VWA3A: variants seen among roughly 807,000 people sequenced by gnomAD.
VWA3A encodes von Willebrand factor A domain containing 3A.
In VWA3A, 134 loss-of-function variants were observed where a neutral mutation model predicts 160.4. That is an observed-to-expected ratio of 0.84 (90% CI 0.73 to 0.96). The LOEUF is 0.96. Ranked by LOEUF, VWA3A falls within the 40% of genes least tolerant of loss-of-function variation. The probability of loss-of-function intolerance (pLI) is 0.00; values close to 1 mark genes in which losing one functional copy is unlikely to be tolerated. For synonymous variants in VWA3A, 476 were observed against 543.4 expected (o/e 0.88, Z 1.72); for missense variants, 1,310 against 1,447.9 (o/e 0.90, Z 1.55).
intron 21 of VWA3A, among the ~76,000 whole-genome samples, chr16:22,137,834 A>G (rs1250730034): frequency 1.3e-5 from 2 of 152,178 alleles, no homozygotes; most frequent in Non-Finnish European, 2.9e-5. Context: ...AAACATCTTA[A>G]GCAATTCTTA....
In VWA3A at chr16:22,120,533, G is replaced by T. The variant is rs1470955583; in HGVS notation, c.1117-435G>T. On this transcript the variant is annotated intron_variant, in intron 12 of 33. Coordinates refer to ENST00000389398, the MANE Select transcript of VWA3A (RefSeq NM_173615.5). The stretch of plus-strand genomic sequence containing the variant: ...GCAGTGCTCAAATCTCTGAAGTTTG[G>T]GACTTGCTGTTCTATTTTTACTTAC... Among the ~76,000 whole-genome samples, 3 of 152,070 alleles carry T rather than the reference G, an allele frequency of 2.0e-5. No homozygotes were observed. The East Asian group carries it at 5.8e-4, about 29-fold the overall frequency.
intron 25 of VWA3A, 97 bp from the exon 26 acceptor site, chr16:22,144,150 T>C (rs1170833867): frequency 1.4e-6 from 2 of 1,394,410 alleles, no homozygotes; most frequent in Non-Finnish European, 1.9e-6. Flanking sequence ...TCAAACATCA[T>C]ACAGGTTTCA....
intron 9 of VWA3A, 60 bp downstream of exon 9, chr16:22,115,532 A>G (rs2045616950): frequency 6.6e-7 from 1 of 1,514,320 alleles, no homozygotes; most frequent in Non-Finnish European, 8.8e-7. Context: ...AAACCAAACC[A>G]CTTTTTGAGA....
chr16:22,138,646 C>G (rs926376013), intron 22 of VWA3A, 134 bp downstream of exon 22: 21 of 1,239,244 alleles, frequency 1.7e-5, no homozygotes, highest in Non-Finnish European at 2.3e-5. Flanking sequence ...CTGTGGGTGC[C>G]TCTTGCCCAG....
At chr16:22,148,607 CA>C (rs1449470700) in intron 28 of VWA3A, among the ~76,000 whole-genome samples, 1 of 151,996 alleles carries the variant, frequency 6.6e-6, no homozygotes, top group Non-Finnish European at 1.5e-5. Context: ...CCCATCTCTT[CA>C]AAACATTTAA....
At position 22,150,756 on chromosome 16, in the gene VWA3A, C is replaced by T. The variant is rs746369622; in HGVS notation, c.3191C>T (p.Thr1064Ile). ...LYLLTDGKPD[T>I]SCSLVLNEVQ... Reference sequence around the variant, plus strand: ...CTCCTGACCGACGGAAAGCCAGACACAAGCTGCAGCCTTGTCCTAAATGAA... The same window carrying T: ...CTCCTGACCGACGGAAAGCCAGACATAAGCTGCAGCCTTGTCCTAAATGAA... Residue 1064 changes from threonine to isoleucine, a missense_variant, in exon 30 of 34, where the codon ACA (threonine) becomes ATA (isoleucine). Thr to Ile is a moderately conservative substitution (Grantham distance 89). Coordinates refer to ENST00000389398, the MANE Select transcript of VWA3A (RefSeq NM_173615.5). 6.2e-7 allele frequency: 1 copy of T among 1,612,946 alleles called. No individual in the cohort carries two copies. The highest frequency in any genetic ancestry group is 1.7e-5 in the Admixed American group (1 of 59,828).
At position 22,109,473 on chromosome 16, in the gene VWA3A, T is replaced by C. The variant is rs560196576; in HGVS notation, c.484-9T>C. 222 of 1,581,956 alleles carry C rather than the reference T, an allele frequency of 1.4e-4. No individual in the cohort carries two copies. Among genetic ancestry groups the C allele is most frequent in the Non-Finnish European group, 5.1e-5 (59 of 1,163,992 alleles). ...ACTGGCTGTTTCCAAATGCCCTCTT[T>C]GGTTTTAGGCATTTGGCCTCATCAA... On this transcript the variant is annotated splice_polypyrimidine_tract_variant and intron_variant, in intron 6 of 33. Transcript: ENST00000389398.
intron 26 of VWA3A, among the ~76,000 whole-genome samples, chr16:22,144,741 G>A (rs1001490074): frequency 6.6e-6 from 1 of 151,920 alleles, no homozygotes; most frequent in Non-Finnish European, 1.5e-5. Context: ...AACATAGCAA[G>A]ACCCCATCTC....
rs16972517 is a variant in VWA3A, at chr16:22,155,655, A to C, written c.3494A>C (p.Gln1165Pro). The C allele has an allele frequency of 1.7e-3, 2,788 of 1,613,924 alleles. 57 individuals are homozygous for C. In the African/African-American group the frequency reaches 0.034, roughly 19 times the overall value. ...GCCAGAAGCTTCCTCTGGCAGGCCCAATCCTTCAGGTATGCCCTTCACGCA... is the reference window on the plus strand; with the variant it reads ...GCCAGAAGCTTCCTCTGGCAGGCCCCATCCTTCAGGTATGCCCTTCACGCA... Reference protein sequence around the residue: ...TKARSFLWQAQSFRSQLQKKN... With the variant: ...TKARSFLWQAPSFRSQLQKKN... The change falls in exon 32 of 34, where the codon CAA becomes CCA. Residue 1165 changes from glutamine (Q) to proline (P), a missense_variant. Physicochemically the swap from Gln to Pro is moderately conservative, Grantham distance 76. Transcript: ENST00000389398.
At chr16:22,121,451 TA>T in intron 13 of VWA3A, 62 bp from the exon 14 acceptor site, 1 of 1,350,174 alleles carries the variant, frequency 7.4e-7, no homozygotes, top group Non-Finnish European at 1.1e-6. Flanking sequence ...CTCAAAAAAA[TA>T]AAAGGCTTGA....
At chr16:22,144,647 T>C (rs1379472134) in intron 26 of VWA3A, among the ~76,000 whole-genome samples, 2 of 152,088 alleles carry the variant, frequency 1.3e-5, no homozygotes, top group African/African-American at 4.8e-5. Flanking sequence ...CCAGGTGCGG[T>C]GACTCCTGCC....
intron 16 of VWA3A, among the ~76,000 whole-genome samples, chr16:22,125,484 C>T (rs8045326): frequency 6.6e-5 from 10 of 151,958 alleles, no homozygotes; most frequent in African/African-American, 1.4e-4. Flanking sequence ...AGTGCAGTGG[C>T]GCGATCTTGG....
chr16:22,103,636 TA>T, intron 6 of VWA3A, 107 bp downstream of exon 6: 26 of 1,335,058 alleles, frequency 1.9e-5, no homozygotes, highest in Non-Finnish European at 2.4e-5. Flanking sequence ...TTGCTTAAGC[TA>T]AAAAAAGGCA....
chr16:22,142,590 C>A, intron 24 of VWA3A, 78 bp from the exon 25 acceptor site: 1 of 1,130,446 alleles, frequency 8.8e-7, no homozygotes, highest in African/African-American at 1.5e-5. Flanking sequence ...ATCTCCAACA[C>A]TGGGGATCAC....
rs141919547 is a variant in VWA3A, at chr16:22,092,956, A to C, written c.14+305A>C. Among the ~76,000 whole-genome samples, 920 of 152,042 alleles carry C rather than the reference A, an allele frequency of 6.1e-3. 7 individuals carry two copies. The highest frequency in any genetic ancestry group is 0.02 in the African/African-American group (834 of 41,470). The stretch of plus-strand genomic sequence containing the variant: ...ATGGGATTCAGGAAAGACTCCTATT[A>C]TTATTATTATTATTTTCACCCAATA... On this transcript the variant is annotated intron_variant, in intron 1 of 33. Transcript: ENST00000389398.
At chr16:22,136,270 A>AC (rs1190889500) in intron 21 of VWA3A, among the ~76,000 whole-genome samples, 1 of 151,760 alleles carries the variant, frequency 6.6e-6, no homozygotes, top group African/African-American at 2.4e-5. Flanking sequence ...ATACAAACTG[A>AC]CCCCCACGCT....
At chr16:22,121,452 A>G (rs2045732500) in intron 13 of VWA3A, 62 bp from the exon 14 acceptor site, 10 of 1,350,740 alleles carry the variant, frequency 7.4e-6, no homozygotes, top group Non-Finnish European at 8.4e-6. Flanking sequence ...TCAAAAAAAT[A>G]AAAGGCTTGA....
At position 22,152,280 on chromosome 16, in the gene VWA3A, ACACT is replaced by A. The variant is rs2046362403; in HGVS notation, c.3282-227_3282-224del. Among the ~76,000 whole-genome samples, 6 of 152,184 alleles carry A rather than the reference ACACT, an allele frequency of 3.9e-5. No homozygotes were observed. The South Asian group carries it at 1.2e-3, about 32-fold the overall frequency. ...TTCAGGGGGTCCAGGCTAAATGGTG[ACACT>A]CACACGGGGACTCCTCTTCCCTCAA... On this transcript the variant is annotated intron_variant, in intron 30 of 33. Transcript: ENST00000389398.
At chr16:22,146,684 T>C (rs2046256918) in intron 27 of VWA3A, among the ~76,000 whole-genome samples, 1 of 151,498 alleles carries the variant, frequency 6.6e-6, no homozygotes, top group Non-Finnish European at 1.5e-5. Flanking sequence ...CTCAGGAGGC[T>C]GAGGCAGGAA....
Sources: gnomAD v4.1 joint callset for allele counts (sites outside exome capture counted in the v4.1 genomes callset) on GRCh38, gnomAD v4.1.1 for gene constraint, MANE v1.5 for transcripts, NCBI Gene and HGNC (gene_info 2026-07-23, HGNC 2026-07-21) for gene names.